SEL1L3: variants seen among roughly 807,000 people sequenced by gnomAD.
SEL1L3 encodes the protein SEL1L family member 3, also known as protein sel-1 homolog 3.
A neutral mutation model predicts 142.8 loss-of-function variants in SEL1L3; 76 were observed. That is an observed-to-expected ratio of 0.53 (90% CI 0.44 to 0.64). The LOEUF (loss-of-function observed/expected upper bound fraction) is 0.64. SEL1L3 is among the 30% of genes least tolerant of loss of function. SEL1L3 has a pLI of 0.00. For synonymous variants in SEL1L3, 504 were observed against 519.6 expected (o/e 0.97, Z 0.41); for missense variants, 1,262 against 1,381.7 (o/e 0.91, Z 1.37).
At chr4:25,714,498 C>T in the SEL1L3 span, among the ~76,000 whole-genome samples, 61 of 48,668 alleles carry the variant, frequency 1.3e-3, no homozygotes, top group African/African-American at 8.8e-3. Flanking sequence ...CTCTTTCTTT[C>T]TTTTTCTTTC....
chr4:25,777,160 C>T (rs1719692742), intron 16 of SEL1L3, among the ~76,000 whole-genome samples: 1 of 151,856 alleles, frequency 6.6e-6, no homozygotes, highest in Non-Finnish European at 1.5e-5. Flanking sequence ...AAAGATAAAT[C>T]ATACAAACTC....
chr4:25,833,581 AGGG>A lies in SEL1L3; in HGVS notation c.861-15_861-13del. The stretch of plus-strand genomic sequence containing the variant: ...ATGAAACAGTAAACCTATAAGAGTG[AGGG>A]GGAAAAAAATTCTGCAGATTGATAT... On this transcript the variant is annotated splice_polypyrimidine_tract_variant and intron_variant, in intron 3 of 23. Coordinates refer to ENST00000399878, the MANE Select transcript of SEL1L3 (RefSeq NM_015187.5). The A allele has an allele frequency of 4.4e-6, 7 of 1,594,666 alleles. No homozygotes were observed. Among genetic ancestry groups the A allele is most frequent in the Non-Finnish European group, 6.0e-6 (7 of 1,172,958 alleles).
the SEL1L3 span, among the ~76,000 whole-genome samples, chr4:25,733,348 T>C: frequency 1.3e-5 from 2 of 152,230 alleles, no homozygotes; most frequent in Middle Eastern, 3.4e-3. Context: ...CCTTTTGTTA[T>C]CCCTCAGTAT....
At chr4:25,840,414 C>A (rs1221110554) in intron 2 of SEL1L3, among the ~76,000 whole-genome samples, 1 of 151,952 alleles carries the variant, frequency 6.6e-6, no homozygotes, top group Admixed American at 6.6e-5. Flanking sequence ...AAAGACAAGT[C>A]AAGGCTGGTT....
At chr4:25,802,532 G>A (rs1713254245) in intron 10 of SEL1L3, 70 bp from the exon 11 acceptor site, 1 of 1,326,360 alleles carries the variant, frequency 7.5e-7, no homozygotes, top group African/African-American at 1.5e-5. Context: ...ACACTGAAAG[G>A]TTGTCAGGCC....
the SEL1L3 span, among the ~76,000 whole-genome samples, chr4:25,737,121 A>G: frequency 6.6e-6 from 1 of 151,874 alleles, no homozygotes; most frequent in African/African-American, 2.4e-5. Flanking sequence ...AGTAGTTGGG[A>G]CTACAGGCAC....
the SEL1L3 span, among the ~76,000 whole-genome samples, chr4:25,734,716 C>T: frequency 6.6e-6 from 1 of 151,804 alleles, no homozygotes; most frequent in Admixed American, 6.6e-5. Flanking sequence ...TTACAGGCGC[C>T]CACCACAATG....
chr4:25,739,986 G>A, the SEL1L3 span, among the ~76,000 whole-genome samples: 2 of 151,378 alleles, frequency 1.3e-5, no homozygotes, highest in African/African-American at 2.4e-5. Context: ...TAATAGAGAC[G>A]AAGGTCTCAC....
At position 25,806,856 on chromosome 4, in the gene SEL1L3, TA is replaced by T. The variant is rs59558638; in HGVS notation, c.1565-2105del. On this transcript the variant is annotated intron_variant, in intron 9 of 23. Coordinates refer to ENST00000399878, the MANE Select transcript of SEL1L3 (RefSeq NM_015187.5). Reference sequence around the variant, plus strand: ...TCCCCAGAGAAATAACAGCTTGTCGTAAAAAAAAAAAAAATTCAAACAATGC... The same window carrying T: ...TCCCCAGAGAAATAACAGCTTGTCGTAAAAAAAAAAAAATTCAAACAATGC... Among the ~76,000 whole-genome samples, 680 of 142,200 alleles carry T rather than the reference TA, an allele frequency of 4.8e-3. 2 individuals carry two copies. Among genetic ancestry groups the T allele is most frequent in the African/African-American group, 7.5e-3 (292 of 39,100 alleles). 93.3% of individuals were successfully genotyped at this position (142,200 alleles called of 152,430 possible).
intron 20 of SEL1L3, chr4:25,759,478 T>G (rs1718229407): frequency 6.1e-6 from 1 of 164,926 alleles, no homozygotes; most frequent in East Asian, 1.7e-4. Context: ...AAAATATTTC[T>G]GTGGCTAGGG....
At chr4:25,751,590 G>A (rs891583774) in intron 23 of SEL1L3, among the ~76,000 whole-genome samples, 2 of 151,714 alleles carry the variant, frequency 1.3e-5, no homozygotes, top group Non-Finnish European at 1.5e-5. Context: ...TGGAATGCGA[G>A]CCAGGAGTCA....
At chr4:25,792,209 T>G (rs900673324) in intron 11 of SEL1L3, among the ~76,000 whole-genome samples, 2 of 152,160 alleles carry the variant, frequency 1.3e-5, no homozygotes, top group Non-Finnish European at 2.9e-5. Flanking sequence ...CCTTTTTTTC[T>G]TTTTTTCCAC....
At chr4:25,727,717 G>C in the SEL1L3 span, among the ~76,000 whole-genome samples, 20,179 of 152,128 alleles carry the variant, frequency 0.13, 1,429 homozygotes, top group Admixed American at 0.17. Flanking sequence ...GAATAGGACA[G>C]GGGCTTCACA....
chr4:25,743,833 C>T (rs1324765964), downstream of SEL1L3, among the ~76,000 whole-genome samples: 1 of 152,140 alleles, frequency 6.6e-6, no homozygotes, highest in Non-Finnish European at 1.5e-5. Context: ...CCTTTCACAC[C>T]TCCTACTTCC....
chr4:25,818,216 C>A lies in SEL1L3; in HGVS notation c.1486G>T (p.Ala496Ser), dbSNP rs780948565. The change falls in exon 9 of 24, where the codon GCC becomes TCC. Residue 496 changes from alanine to serine, a missense_variant. Physicochemically the swap from Ala to Ser is moderately conservative, Grantham distance 99 (BLOSUM62 1). Around this residue, in one of 3 missense-constraint regions of SEL1L3, gnomAD observed 689 missense variants for 692.8 expected, o/e 0.99. Coordinates refer to ENST00000399878, the MANE Select transcript of SEL1L3 (RefSeq NM_015187.5). ...TTCAGCTCCTTCTCCCAGGGGAAGG[C>A]TCTGCACATCGAGGGTCTCCCATAC... Reference protein sequence around the residue: ...RRYGRPSMCRAFPWEKELKDK... With the variant: ...RRYGRPSMCRSFPWEKELKDK... 3 of 1,604,356 alleles carry A rather than the reference C, an allele frequency of 1.9e-6. No homozygotes were observed. In the South Asian group the frequency reaches 3.4e-5, roughly 18 times the overall value.
intron 13 of SEL1L3, among the ~76,000 whole-genome samples, chr4:25,786,755 G>T (rs529790386): frequency 5.9e-5 from 9 of 152,180 alleles, no homozygotes; most frequent in Non-Finnish European, 1.0e-4. Context: ...ACAAACACAT[G>T]AATGCATTCA....
At chr4:25,808,312 C>T (rs1182298694) in intron 9 of SEL1L3, among the ~76,000 whole-genome samples, 1 of 152,224 alleles carries the variant, frequency 6.6e-6, no homozygotes, top group African/African-American at 2.4e-5. Flanking sequence ...AAAGCCACCA[C>T]CACCACTAAT....
intron 9 of SEL1L3, among the ~76,000 whole-genome samples, chr4:25,810,194 T>G (rs1333364247): frequency 2.0e-5 from 3 of 152,194 alleles, no homozygotes; most frequent in Admixed American, 6.5e-5. Flanking sequence ...AGGTGCCCAG[T>G]GCAGATGAAA....
At chr4:25,858,482 C>A (rs1717417355) in intron 1 of SEL1L3, among the ~76,000 whole-genome samples, 1 of 152,206 alleles carries the variant, frequency 6.6e-6, no homozygotes, top group African/African-American at 2.4e-5. Flanking sequence ...GAATCCTGTA[C>A]AAGGCTCTGT....
Sources: gnomAD v4.1 joint callset for allele counts (sites outside exome capture counted in the v4.1 genomes callset) on GRCh38, gnomAD v4.1.1 for gene constraint, gnomAD v4.1.1 regional missense constraint, MANE v1.5 for transcripts, NCBI Gene and HGNC (gene_info 2026-07-23, HGNC 2026-07-21) for gene names.